LMLN: variants seen among roughly 807,000 people sequenced by gnomAD.
LMLN encodes leishmanolysin-like peptidase.
Under a neutral mutation model 92.3 loss-of-function variants are expected in LMLN, and 70 were observed. The observed-to-expected ratio is 0.76, with a 90% CI of 0.63 to 0.92. LMLN has a LOEUF of 0.92. Among genes scored for constraint, LMLN ranks in the 40% least tolerant of loss-of-function variants. The pLI is 0.00. For synonymous variants in LMLN, 308 were observed against 296.2 expected (o/e 1.04, Z -0.41); for missense variants, 691 against 814.6 (o/e 0.85, Z 1.85).
chr3:198,035,805 T>C (rs762744076), intron 14 of LMLN, 28 bp from the exon 16 acceptor site: 2 of 1,505,238 alleles, frequency 1.3e-6, no homozygotes, highest in Non-Finnish European at 1.8e-6. Flanking sequence ...TTATTATTTT[T>C]ATATATCTAT....
chr3:197,994,214 G>A (rs187933351), intron 9 of LMLN, among the ~76,000 whole-genome samples: 1 of 152,240 alleles, frequency 6.6e-6, no homozygotes, highest in Admixed American at 6.5e-5. Flanking sequence ...TGGGCAATGA[G>A]TTTTTGGATT....
chr3:197,971,944 C>CTTTTTTTTTTTTTTTTTTTTTTTT (rs756710031), intron 1 of LMLN, among the ~76,000 whole-genome samples: 2 of 81,218 alleles, frequency 2.5e-5, no homozygotes, highest in African/African-American at 4.7e-5. Context: ...AGTCTCTGTT[C>CTTTTTTTTTTTTTTTTTTTTTTTT]TTTTTTTTTT....
chr3:197,987,348 A>C (rs1028383607), intron 8 of LMLN, among the ~76,000 whole-genome samples: 1 of 150,546 alleles, frequency 6.6e-6, no homozygotes, highest in Non-Finnish European at 1.5e-5. Context: ...TTTAGTAGAG[A>C]CAGGGTTTCA....
chr3:198,017,873 CA>C (rs1722682486), intron 11 of LMLN, among the ~76,000 whole-genome samples: 1 of 152,060 alleles, frequency 6.6e-6, no homozygotes, highest in Non-Finnish European at 1.5e-5. Context: ...GCCGAGATCG[CA>C]CTACTGCACT....
rs761567221 is a variant in LMLN at position 198,042,773 on chromosome 3, C to T, written c.*4106C>T. ...TGTCAAAAATATCAAGTGAATTTGT[C>T]TCAGGTTTTCAGAAACAAAATTTAC... On this transcript the variant is annotated 3_prime_UTR_variant, in exon 16 of 16. Coordinates refer to ENST00000330198, the Ensembl canonical transcript of LMLN. This position sits in a 1 kb window ranked among gnomAD's most constrained non-coding sequence, Gnocchi z 4.2. 6.6e-6 allele frequency: 1 copy of T among 152,178 alleles called. No homozygotes were observed. The highest frequency in any genetic ancestry group is 1.5e-5 in the Non-Finnish European group (1 of 68,016). The allele number at this position is 152,178 out of a possible 1,614,324, so 9.4% of individuals were successfully genotyped here. A position where few individuals can be genotyped will look rare whatever the true frequency, so the allele number is the denominator to read the frequency against.
chr3:198,040,005 A>G (rs189619388), exon 16 of LMLN: 12 of 152,396 alleles, frequency 7.9e-5, no homozygotes, highest in Admixed American at 7.8e-4. Flanking sequence ...ACTTAAGACA[A>G]CTGTGAAACA....
At chr3:198,017,571 T>C (rs1722674774) in intron 11 of LMLN, among the ~76,000 whole-genome samples, 1 of 152,186 alleles carries the variant, frequency 6.6e-6, no homozygotes, top group African/African-American at 2.4e-5. Flanking sequence ...ATGGTACCAT[T>C]AGCCACATGT....
chr3:197,976,685 C>A (rs1239577731), exon 5 of LMLN: 4 of 1,565,134 alleles, frequency 2.6e-6, no homozygotes, highest in Non-Finnish European at 3.5e-6. Context: ...CAAAGTGCGG[C>A]CCCGTTATTG....
chr3:198,038,847 C>G (rs1201725709), exon 16 of LMLN: 4 of 517,684 alleles, frequency 7.7e-6, no homozygotes, highest in Non-Finnish European at 1.4e-5. Flanking sequence ...TCCTCATCAG[C>G]AACCCAACCA....
chr3:197,993,540 A>T (rs1283011887), intron 9 of LMLN, among the ~76,000 whole-genome samples: 1 of 152,192 alleles, frequency 6.6e-6, no homozygotes, highest in Middle Eastern at 3.2e-3. Flanking sequence ...AATAAATTTA[A>T]CCAGGGAAGT....
chr3:197,971,131 C>T (rs1207486772), intron 1 of LMLN, among the ~76,000 whole-genome samples: 2 of 152,202 alleles, frequency 1.3e-5, no homozygotes, highest in African/African-American at 4.8e-5. Flanking sequence ...GCCATTCGTA[C>T]TTCTCTTCCC....
intron 11 of LMLN, among the ~76,000 whole-genome samples, chr3:198,008,925 C>A (rs957938303): frequency 3.9e-5 from 6 of 151,994 alleles, no homozygotes; most frequent in African/African-American, 1.5e-4. Context: ...TGTTTAATTT[C>A]CAGCTATTTT....
At chr3:198,033,078 T>C (rs534333306) in intron 14 of LMLN, among the ~76,000 whole-genome samples, 102 of 152,288 alleles carry the variant, frequency 6.7e-4, no homozygotes, top group African/African-American at 2.4e-3. Context: ...CCTGTACATC[T>C]ACCCTCCTGC....
intron 12 of LMLN, among the ~76,000 whole-genome samples, chr3:198,020,770 T>TG (rs59582162): frequency 0.11 from 10,256 of 91,278 alleles, 1,419 homozygotes; most frequent in African/African-American, 0.32. Flanking sequence ...ATTTTTGTAT[T>TG]TTTTTTTTTT....
Position 198,011,132 on chromosome 3 carries a change from T to A in LMLN, c.1233-8121T>A, listed in dbSNP as rs535360424. 1.1e-4 allele frequency among the ~76,000 whole-genome samples: 16 copies of A among 152,218 alleles called. No homozygotes were observed. In the East Asian group the frequency reaches 2.7e-3, roughly 26 times the overall value. Reference sequence around the variant, plus strand: ...TTGATATAAGTTTTTTATTTTTTTTTATTATTATACTTTAAGTTTTAGGGT... The same window carrying A: ...TTGATATAAGTTTTTTATTTTTTTTAATTATTATACTTTAAGTTTTAGGGT... On this transcript the variant is annotated intron_variant, in intron 11 of 15. Transcript: ENST00000330198.
chr3:198,018,260 A>G (rs1167994372), intron 11 of LMLN, among the ~76,000 whole-genome samples: 1 of 152,232 alleles, frequency 6.6e-6, no homozygotes, highest in Non-Finnish European at 1.5e-5. Flanking sequence ...ATGAGCTTCC[A>G]TATTCATTGG....
chr3:198,036,515 A>G (rs1723238862), intron 15 of LMLN, among the ~76,000 whole-genome samples: 1 of 152,208 alleles, frequency 6.6e-6, no homozygotes, highest in Non-Finnish European at 1.5e-5. Context: ...GCGAAATGAG[A>G]CAGAGAGATG....
intron 2 of LMLN, 124 bp downstream of exon 2, chr3:197,974,598 T>C (rs1721317823): frequency 1.8e-6 from 1 of 557,814 alleles, no homozygotes; most frequent in Non-Finnish European, 3.1e-6. Context: ...AGCTTCAAAA[T>C]GGAATTAAGC....
intron 1 of LMLN, among the ~76,000 whole-genome samples, chr3:197,962,215 C>T (rs1182405654): frequency 6.6e-6 from 1 of 151,620 alleles, no homozygotes; most frequent in African/African-American, 2.4e-5. Context: ...TCTAGAGCTT[C>T]GTGTATTGAA....
Sources: gnomAD v4.1 joint callset for allele counts (sites outside exome capture counted in the v4.1 genomes callset) on GRCh38, gnomAD v4.1.1 for gene constraint, Gnocchi (gnomAD v3.1) non-coding constraint, MANE v1.5 for transcripts, NCBI Gene and HGNC (gene_info 2026-07-23, HGNC 2026-07-21) for gene names.